The following NAV2 variants were observed in gnomAD, a reference collection of about 807,000 sequenced individuals.
NAV2 encodes the protein helicase, APC down-regulated 1.
A neutral mutation model predicts 223.2 loss-of-function variants in NAV2; 54 were observed. The ratio of observed to expected loss-of-function variants is 0.24; its 90% CI spans 0.19 to 0.30. The LOEUF (loss-of-function observed/expected upper bound fraction) is 0.30. Among genes scored for constraint, NAV2 ranks in the 10% least tolerant of loss-of-function variants. NAV2 has a pLI of 1.00. For synonymous variants in NAV2, 1,279 were observed against 1,239.3 expected (o/e 1.03, Z -0.67); for missense variants, 2,806 against 3,147.5 (o/e 0.89, Z 2.60).
chr11:19,886,495 C>G (rs1001829796), intron 5 of NAV2, among the ~76,000 whole-genome samples: 1 of 152,202 alleles, frequency 6.6e-6, no homozygotes, highest in Non-Finnish European at 1.5e-5. Context: ...AACACCAGGC[C>G]CAAGTCAGAG....
At chr11:19,550,176 C>G (rs1184265326) in intron 1 of NAV2, among the ~76,000 whole-genome samples, 1 of 151,644 alleles carries the variant, frequency 6.6e-6, no homozygotes, top group African/African-American at 2.4e-5. Flanking sequence ...TGTCTAGAAA[C>G]GAAAAAGGGA....
chr11:19,867,236 A>G (rs2062152447), intron 3 of NAV2, among the ~76,000 whole-genome samples: 1 of 152,130 alleles, frequency 6.6e-6, no homozygotes. Flanking sequence ...TATTGTGTTT[A>G]CTTTCCCCTC....
chr11:20,010,759 A>G (rs1007348870), intron 11 of NAV2, among the ~76,000 whole-genome samples: 1 of 152,198 alleles, frequency 6.6e-6, no homozygotes, highest in Non-Finnish European at 1.5e-5. Context: ...TACTTAAGAT[A>G]CATTACAGTG....
intron 10 of NAV2, among the ~76,000 whole-genome samples, chr11:19,962,679 C>T (rs1401126497): frequency 6.6e-6 from 1 of 152,206 alleles, no homozygotes; most frequent in East Asian, 1.9e-4. Flanking sequence ...GACCTTTCCT[C>T]TTAATCCTGA....
chr11:20,115,667 G>T (rs1034432198), intron 37 of NAV2, among the ~76,000 whole-genome samples: 4 of 146,850 alleles, frequency 2.7e-5, no homozygotes, highest in African/African-American at 1.0e-4. Context: ...CACCCGGGCT[G>T]GGTGTGGTGG....
At chr11:19,649,309 C>A (rs1330427405) in intron 1 of NAV2, among the ~76,000 whole-genome samples, 1 of 152,162 alleles carries the variant, frequency 6.6e-6, no homozygotes, top group South Asian at 2.1e-4. Context: ...CTCTAGGGGA[C>A]TTTCATAATA....
chr11:20,048,506 A>G (rs1011259055), intron 14 of NAV2, among the ~76,000 whole-genome samples: 2 of 152,192 alleles, frequency 1.3e-5, no homozygotes, highest in Non-Finnish European at 2.9e-5. Flanking sequence ...TCAGAGTCTC[A>G]GCTGCAGCTT....
intron 1 of NAV2, among the ~76,000 whole-genome samples, chr11:19,447,053 C>T (rs1851612425): frequency 3.3e-5 from 5 of 152,162 alleles, no homozygotes; most frequent in Admixed American, 3.3e-4. Flanking sequence ...TCTATGTATC[C>T]CCTCCCCGGA....
At chr11:19,538,353 T>G (rs1337816554) in intron 1 of NAV2, among the ~76,000 whole-genome samples, 2 of 152,148 alleles carry the variant, frequency 1.3e-5, no homozygotes, top group African/African-American at 4.8e-5. Flanking sequence ...TTTCTTTTCT[T>G]TTTTTGAGAC....
intron 10 of NAV2, among the ~76,000 whole-genome samples, chr11:19,957,237 C>A (rs2047955090): frequency 6.6e-6 from 1 of 152,192 alleles, no homozygotes; most frequent in African/African-American, 2.4e-5. Flanking sequence ...TCTTTTTGTG[C>A]CTCTCTGCTT....
In NAV2 at chr11:20,114,616, G is replaced by A. The variant is rs1395380253; in HGVS notation, c.6985G>A (p.Glu2329Lys). 3 of 1,614,148 alleles carry A rather than the reference G, an allele frequency of 1.9e-6. No homozygotes were observed. The highest frequency in any genetic ancestry group is 1.1e-5 in the South Asian group (1 of 91,082). Reference protein sequence around the residue: ...LQLYGRRAPWEDPAKWVMDTY... With the variant: ...LQLYGRRAPWKDPAKWVMDTY... Reference sequence around the variant, plus strand: ...GCTCTATGGAAGGCGCGCCCCCTGGGAGGATCCTGCCAAGTGGGTGATGGA... The same window carrying A: ...GCTCTATGGAAGGCGCGCCCCCTGGAAGGATCCTGCCAAGTGGGTGATGGA... The change falls in exon 37 of 38, where the codon GAG becomes AAG. Residue 2329 changes from glutamate to lysine, a missense_variant. Transcript: ENST00000349880.
intron 1 of NAV2, among the ~76,000 whole-genome samples, chr11:19,679,946 T>C (rs916024062): frequency 1.3e-5 from 2 of 152,198 alleles, no homozygotes; most frequent in Non-Finnish European, 2.9e-5. Context: ...GAGCCCTACC[T>C]ATTGGGCACA....
At position 20,107,378 on chromosome 11, in the gene NAV2, G is replaced by A. The variant is rs552423727; in HGVS notation, c.6842-286G>A. 3.8e-5 allele frequency: 13 copies of A among 340,862 alleles called. No homozygotes were observed. The South Asian group carries it at 4.7e-4, about 12-fold the overall frequency. 21.1% of individuals were successfully genotyped at this position (340,862 alleles called of 1,614,324 possible). The stretch of plus-strand genomic sequence containing the variant: ...TGGGATTATAGGCGTGAGCCACTGC[G>A]CATGGGCTTCCATTTTTAAAAATCA... On this transcript the variant is annotated intron_variant, in intron 35 of 37. Coordinates refer to ENST00000349880, the MANE Select transcript of NAV2 (RefSeq NM_145117.5).
intron 6 of NAV2, among the ~76,000 whole-genome samples, chr11:19,923,340 T>A (rs977627352): frequency 6.6e-6 from 1 of 152,166 alleles, no homozygotes; most frequent in African/African-American, 2.4e-5. Flanking sequence ...TCCTTTAGGA[T>A]ATTCTCAGTG....
chr11:19,610,353 G>GA (rs1434000093), intron 1 of NAV2, among the ~76,000 whole-genome samples: 1 of 152,154 alleles, frequency 6.6e-6, no homozygotes, highest in Non-Finnish European at 1.5e-5. Context: ...TCAGAATAAA[G>GA]AGGAAAATAA....
At position 19,434,280 on chromosome 11, in the gene NAV2, G is replaced by A. The variant is rs575666933; in HGVS notation, c.75+83253G>A. 1.1e-4 allele frequency among the ~76,000 whole-genome samples: 17 copies of A among 152,324 alleles called. 1 individual carries two copies. The South Asian group carries it at 3.5e-3, about 32-fold the overall frequency. ...CAGTAGATGCTCAGTGGCTGATGAG[G>A]TACATATTAAAGATATTAAGGCATC... On this transcript the variant is annotated intron_variant, in intron 1 of 37. Transcript: ENST00000360655.
At chr11:19,458,069 G>T (rs79584880) in intron 1 of NAV2, among the ~76,000 whole-genome samples, 7,744 of 152,246 alleles carry the variant, frequency 0.051, 268 homozygotes, top group Non-Finnish European at 0.078. Context: ...CAGCAGGCAA[G>T]TTCCCTATAT....
At chr11:19,416,858 T>C (rs1011415805) in intron 1 of NAV2, among the ~76,000 whole-genome samples, 5 of 152,202 alleles carry the variant, frequency 3.3e-5, no homozygotes, top group Admixed American at 6.5e-5. Flanking sequence ...GGATTCCCTA[T>C]TTAATAAATG....
At chr11:19,460,343 C>A (rs1435315428) in intron 1 of NAV2, among the ~76,000 whole-genome samples, 1 of 152,136 alleles carries the variant, frequency 6.6e-6, no homozygotes, top group East Asian at 1.9e-4. Context: ...TTTTGGACAA[C>A]TTAATTAACC....
Sources: gnomAD v4.1 joint callset for allele counts (sites outside exome capture counted in the v4.1 genomes callset) on GRCh38, gnomAD v4.1.1 for gene constraint, MANE v1.5 for transcripts, NCBI Gene and HGNC (gene_info 2026-07-23, HGNC 2026-07-21) for gene names.